SCAF8: variants seen among roughly 807,000 people sequenced by gnomAD.
SCAF8 encodes the protein SR-related and CTD-associated factor 8.
Under a neutral mutation model 140.5 loss-of-function variants are expected in SCAF8, and 23 were observed. The ratio of observed to expected loss-of-function variants is 0.16; its 90% CI spans 0.12 to 0.23. The LOEUF is 0.23. Ranked by LOEUF, SCAF8 falls within the 10% of genes least tolerant of loss-of-function variation. The pLI is 1.00. For synonymous variants in SCAF8, 575 were observed against 528.9 expected (o/e 1.09, Z -1.20); for missense variants, 1,397 against 1,555.7 (o/e 0.90, Z 1.72).
chr6:154,757,384 A>G (rs931725473), intron 1 of SCAF8, among the ~76,000 whole-genome samples: 3 of 152,210 alleles, frequency 2.0e-5, no homozygotes, highest in African/African-American at 7.2e-5. Context: ...TCTGAGGGAA[A>G]AATTAAGAGA....
rs1488106469 is a variant in SCAF8 at position 154,822,404 on chromosome 6, T to C, written c.1921T>C (p.Leu641=). The C allele has an allele frequency of 2.5e-6, 4 of 1,608,942 alleles. No individual in the cohort carries two copies. Among genetic ancestry groups the C allele is most frequent in the Non-Finnish European group, 3.4e-6 (4 of 1,178,340 alleles). Residue 641 remains leucine, a synonymous_variant, in exon 16 of 20, where the codon TTG becomes CTG. Transcript: ENST00000367178. ...GGTTTTCCCTCCTCCTGTTGCTATG[T>C]TGCAGGTTAGTGTTGAAGTGGGGTT... ...AEVFPPPVAM[L]QIPVAPAVPT...
Position 154,832,537 on chromosome 6 carries a change from T to C in SCAF8, c.2958T>C (p.Pro986=), listed in dbSNP as rs1012426795. ...FSQPERPFLA[P]GRQSVDNVTN... ...AACCAGAAAGACCTTTTTTAGCTCC[T>C]GGAAGACAAAGCGTAGACAATGTTA... Residue 986 remains proline (P), a synonymous_variant, in exon 20 of 20, where the codon CCT becomes CCC. Transcript: ENST00000367178. The C allele has an allele frequency of 1.9e-6, 3 of 1,613,848 alleles. No individual in the cohort carries two copies. In the African/African-American group the frequency reaches 4.0e-5, roughly 22 times the overall value.
chr6:154,734,650 T>G (rs1582985445), intron 1 of SCAF8, among the ~76,000 whole-genome samples: 1 of 152,186 alleles, frequency 6.6e-6, no homozygotes, highest in East Asian at 1.9e-4. Context: ...TCAAACAAGA[T>G]TTTAAAAAGC....
chr6:154,809,199 A>G (rs1418416504), intron 11 of SCAF8, among the ~76,000 whole-genome samples: 1 of 152,238 alleles, frequency 6.6e-6, no homozygotes, highest in Non-Finnish European at 1.5e-5. Context: ...TTTTATAAAC[A>G]TTAACTGTAA....
intron 1 of SCAF8, among the ~76,000 whole-genome samples, chr6:154,745,430 G>A (rs1191040239): frequency 6.6e-6 from 1 of 152,146 alleles, no homozygotes; most frequent in African/African-American, 2.4e-5. Context: ...TTTGAGTGCA[G>A]TGGTGTGATC....
At chr6:154,790,756 C>T (rs781449549) in intron 4 of SCAF8, among the ~76,000 whole-genome samples, 20 of 151,910 alleles carry the variant, frequency 1.3e-4, no homozygotes, top group South Asian at 6.2e-4. Context: ...GTGATCTGTC[C>T]GCCTTGGCCT....
intron 3 of SCAF8, among the ~76,000 whole-genome samples, chr6:154,784,090 T>TG (rs1380484200): frequency 6.9e-6 from 1 of 145,354 alleles, no homozygotes; most frequent in East Asian, 2.0e-4. Flanking sequence ...GAAAGATGGC[T>TG]GTTATATTTA....
At chr6:154,822,534 T>C (rs1778451794) in intron 16 of SCAF8, 125 bp downstream of exon 16, 2 of 966,164 alleles carry the variant, frequency 2.1e-6, no homozygotes, top group Non-Finnish European at 3.0e-6. Context: ...TCAGTAGTGT[T>C]AGGGAAAAGA....
chr6:154,780,621 T>C (rs1178948292), intron 3 of SCAF8, among the ~76,000 whole-genome samples: 2 of 151,908 alleles, frequency 1.3e-5, no homozygotes, highest in African/African-American at 4.8e-5. Context: ...GAACATGGGA[T>C]CTTTGGTTTT....
At position 154,832,600 on chromosome 6, in the gene SCAF8, C is replaced by T. The variant is rs1778780473; in HGVS notation, c.3021C>T (p.Asn1007=). 6.2e-7 allele frequency: 1 copy of T among 1,613,956 alleles called. No individual in the cohort carries two copies. Among genetic ancestry groups the T allele is most frequent in the Non-Finnish European group, 8.5e-7 (1 of 1,179,990 alleles). Residue 1007 remains asparagine, a synonymous_variant, in exon 20 of 20, where the codon AAC becomes AAT. Coordinates refer to ENST00000367178, the MANE Select transcript of SCAF8 (RefSeq NM_014892.5). ...PEKRIPLGND[N]IQQEGDRDYR... ...AAAGGATACCACTTGGGAATGATAA[C>T]ATTCAACAGGAAGGAGATAGAGATT...
In SCAF8 at chr6:154,754,901, CATT is replaced by C. The variant is rs1159855520; in HGVS notation, c.31-19087_31-19085del. ...TTTTATGTACATGTGCATTTGAAATCATTGTTGTCACCTCATGTCTAAACTTGC... is the reference window on the plus strand; with the variant it reads ...TTTTATGTACATGTGCATTTGAAATCGTTGTCACCTCATGTCTAAACTTGC... On this transcript the variant is annotated intron_variant, in intron 1 of 19. Coordinates refer to ENST00000367178, the MANE Select transcript of SCAF8 (RefSeq NM_014892.5). Among the ~76,000 whole-genome samples, 28 of 152,260 alleles carry C rather than the reference CATT, an allele frequency of 1.8e-4. 1 individual carries two copies. The highest frequency in any genetic ancestry group is 2.9e-4 in the Non-Finnish European group (20 of 68,018).
chr6:154,819,290 T>G (rs1778346838), intron 14 of SCAF8, among the ~76,000 whole-genome samples: 1 of 152,186 alleles, frequency 6.6e-6, no homozygotes, highest in Non-Finnish European at 1.5e-5. Context: ...ATAAAAGATT[T>G]TTTCTAAAAT....
At chr6:154,763,030 T>C (rs1776452180) in intron 1 of SCAF8, among the ~76,000 whole-genome samples, 1 of 152,188 alleles carries the variant, frequency 6.6e-6, no homozygotes, top group Admixed American at 6.5e-5. Context: ...ATAAAGTGTT[T>C]TCCTCCTTGG....
intron 8 of SCAF8, 56 bp downstream of exon 8, chr6:154,803,679 T>TTA (rs1330407258): frequency 9.8e-7 from 1 of 1,023,512 alleles, no homozygotes; most frequent in Non-Finnish European, 1.5e-6. Flanking sequence ...GATGTTGCCA[T>TTA]CTGAATTACT....
Position 154,808,780 on chromosome 6 carries a change from A to T in SCAF8, c.1208A>T (p.His403Leu). 1 of 1,611,186 alleles carries T rather than the reference A, an allele frequency of 6.2e-7. No homozygotes were observed. Among genetic ancestry groups the T allele is most frequent in the Non-Finnish European group, 8.5e-7 (1 of 1,177,394 alleles). ...GCGGTTCGCTCAAGATCAAGAACAC[A>T]TTCACGATCTCGTTCAAGGTTCTAC... is the stretch of plus-strand genomic sequence containing the variant. ...KVAVRSRSRT[H>L]SRSRSRSPRK... Residue 403 changes from histidine (H) to leucine (L), a missense_variant, in exon 11 of 20, where the codon CAT becomes CTT. Transcript: ENST00000367178.
chr6:154,786,530 G>A (rs1429848209), intron 3 of SCAF8, among the ~76,000 whole-genome samples: 2 of 152,180 alleles, frequency 1.3e-5, no homozygotes, highest in African/African-American at 4.8e-5. Flanking sequence ...GGGTCTTTTT[G>A]GGAAAGGGCT....
chr6:154,773,740 G>A (rs1052043447), intron 1 of SCAF8, among the ~76,000 whole-genome samples: 2 of 152,074 alleles, frequency 1.3e-5, no homozygotes, highest in African/African-American at 4.8e-5. Flanking sequence ...ATTGTATGAG[G>A]GTTCCAGTTT....
At chr6:154,790,732 G>T (rs567046104) in intron 4 of SCAF8, among the ~76,000 whole-genome samples, 40 of 151,844 alleles carry the variant, frequency 2.6e-4, no homozygotes, top group African/African-American at 9.4e-4. Flanking sequence ...AGATGGTCTC[G>T]ATCTCCTGAC....
intron 3 of SCAF8, among the ~76,000 whole-genome samples, chr6:154,779,979 A>G (rs923396019): frequency 2.6e-5 from 4 of 152,132 alleles, no homozygotes; most frequent in Admixed American, 1.3e-4. Context: ...TTGACACACT[A>G]ACCTTATTCA....
Sources: gnomAD v4.1 joint callset for allele counts (sites outside exome capture counted in the v4.1 genomes callset) on GRCh38, gnomAD v4.1.1 for gene constraint, MANE v1.5 for transcripts, NCBI Gene and HGNC (gene_info 2026-07-23, HGNC 2026-07-21) for gene names.